Variants in LRP1B observed in about 807,000 individuals in gnomAD.
The protein encoded by LRP1B is low-density lipoprotein receptor-related protein 1B.
LRP1B carries 217 observed loss-of-function variants against 556.6 expected under a neutral mutation model. The observed-to-expected ratio is 0.39, with a 90% confidence interval of 0.35 to 0.44. The LOEUF is 0.44. LRP1B is among the 20% of genes least tolerant of loss of function. The pLI, the probability that LRP1B is intolerant of heterozygous loss-of-function variation, is 1.00. For missense variants in LRP1B, 5,053 were observed against 5,620.8 expected, an observed-to-expected ratio of 0.90 and a Z score of 3.23; for synonymous variants, 2,047 against 1,865.8, an observed-to-expected ratio of 1.10 and a Z score of -2.50.
chr2:141,330,990 C>T (rs1189501457), intron 3 of LRP1B, among the ~76,000 whole-genome samples: 1 of 152,128 alleles, frequency 6.6e-6, no homozygotes, highest in Non-Finnish European at 1.5e-5. Context: ...GATCTCCTGA[C>T]CTCGTGATCC....
intron 2 of LRP1B, among the ~76,000 whole-genome samples, chr2:141,703,041 A>G (rs1477478799): frequency 6.6e-6 from 1 of 151,964 alleles, no homozygotes; most frequent in Non-Finnish European, 1.5e-5. Flanking sequence ...CTGATTATAT[A>G]TAATAGGATA....
chr2:141,580,043 A>C (rs1686908641), intron 2 of LRP1B, among the ~76,000 whole-genome samples: 1 of 152,144 alleles, frequency 6.6e-6, no homozygotes, highest in African/African-American at 2.4e-5. Flanking sequence ...TTCGGGAATA[A>C]GAAACATTTG....
intron 41 of LRP1B, among the ~76,000 whole-genome samples, chr2:140,668,048 C>T (rs1685340580): frequency 6.6e-6 from 1 of 152,094 alleles, no homozygotes; most frequent in South Asian, 2.1e-4. Flanking sequence ...AGCAGTGGCT[C>T]ATGCCTGTAA....
At chr2:141,189,447 T>A (rs1681402974) in intron 6 of LRP1B, among the ~76,000 whole-genome samples, 1 of 152,040 alleles carries the variant, frequency 6.6e-6, no homozygotes, top group South Asian at 2.1e-4. Flanking sequence ...TAACTTATGT[T>A]ACTTTAATGT....
At chr2:141,988,287 G>A (rs755511015) in intron 1 of LRP1B, among the ~76,000 whole-genome samples, 8 of 151,694 alleles carry the variant, frequency 5.3e-5, no homozygotes, top group Non-Finnish European at 5.9e-5. Context: ...TGAATTACTG[G>A]TTTCTTGTGT....
chr2:141,189,953 G>GGAAGAAAGAAAGAAAAA (rs1203036485), intron 6 of LRP1B, among the ~76,000 whole-genome samples: 1 of 151,814 alleles, frequency 6.6e-6, no homozygotes. Flanking sequence ...AGAAAGAAAA[G>GGAAGAAAGAAAGAAAAA]GAAGAAAAGA....
chr2:140,316,159 G>A (rs1205099938), intron 82 of LRP1B, among the ~76,000 whole-genome samples: 1 of 152,116 alleles, frequency 6.6e-6, no homozygotes, highest in African/African-American at 2.4e-5. Context: ...TTTGCTGTGA[G>A]CAACATAGAG....
chr2:141,670,976 A>G (rs1196039431), intron 2 of LRP1B, among the ~76,000 whole-genome samples: 3 of 152,234 alleles, frequency 2.0e-5, no homozygotes, highest in African/African-American at 7.2e-5. Context: ...AAACTAATAT[A>G]TAATGGTATC....
intron 7 of LRP1B, among the ~76,000 whole-genome samples, chr2:141,077,239 C>T (rs948986851): frequency 2.0e-5 from 3 of 150,158 alleles, no homozygotes; most frequent in African/African-American, 7.3e-5. Flanking sequence ...CTGAGTGAGA[C>T]TCCAACTAAA....
intron 31 of LRP1B, among the ~76,000 whole-genome samples, chr2:140,836,260 A>G (rs1691899171): frequency 6.6e-6 from 1 of 152,212 alleles, no homozygotes; most frequent in Non-Finnish European, 1.5e-5. Flanking sequence ...ATATACTATT[A>G]TCTCCATTGT....
intron 2 of LRP1B, among the ~76,000 whole-genome samples, chr2:141,524,442 T>G (rs1684627188): frequency 6.6e-6 from 1 of 152,060 alleles, no homozygotes. Flanking sequence ...AATTGTTGGG[T>G]CTATCTAGGT....
At chr2:140,642,684 T>C (rs1684340046) in intron 41 of LRP1B, among the ~76,000 whole-genome samples, 1 of 151,542 alleles carries the variant, frequency 6.6e-6, no homozygotes, top group South Asian at 2.1e-4. Context: ...TACTAAAAAA[T>C]ACAAAAAAAA....
chr2:141,051,198 C>T (rs773948930), intron 10 of LRP1B, among the ~76,000 whole-genome samples: 11 of 152,012 alleles, frequency 7.2e-5, no homozygotes, highest in Non-Finnish European at 1.5e-4. Flanking sequence ...ATTAGTTCAA[C>T]CATTCTGGAA....
At chr2:140,855,565 G>T (rs1377313831) in intron 27 of LRP1B, among the ~76,000 whole-genome samples, 2 of 147,398 alleles carry the variant, frequency 1.4e-5, no homozygotes, top group African/African-American at 2.5e-5. Flanking sequence ...TACTATTAAT[G>T]TTTCCCCCAA....
At chr2:140,601,031 T>C (rs1175512539) in intron 42 of LRP1B, among the ~76,000 whole-genome samples, 1 of 151,736 alleles carries the variant, frequency 6.6e-6, no homozygotes, top group Non-Finnish European at 1.5e-5. Context: ...GTTTGCTTTC[T>C]TTTGTATTGC....
At chr2:141,260,692 C>G (rs936415804) in intron 3 of LRP1B, among the ~76,000 whole-genome samples, 1 of 152,144 alleles carries the variant, frequency 6.6e-6, no homozygotes, top group Non-Finnish European at 1.5e-5. Flanking sequence ...TCACATTGAT[C>G]ATGTATTGGA....
At chr2:140,551,537 G>T (rs1040332957) in intron 43 of LRP1B, among the ~76,000 whole-genome samples, 8 of 152,270 alleles carry the variant, frequency 5.3e-5, no homozygotes, top group Non-Finnish European at 7.4e-5. Flanking sequence ...CTTTCTACAG[G>T]CTATGGTTTG....
At chr2:141,554,139 G>T (rs1016248605) in intron 2 of LRP1B, among the ~76,000 whole-genome samples, 4 of 141,898 alleles carry the variant, frequency 2.8e-5, no homozygotes, top group East Asian at 2.1e-4. Flanking sequence ...ATATCTATAT[G>T]AATAGACATA....
In LRP1B at chr2:141,416,405, A is replaced by G. The variant is rs116142726; in HGVS notation, c.343+63991T>C. On this transcript the variant is annotated intron_variant, in intron 3 of 90. Transcript: ENST00000389484. ...TTAGGCAAGACATAAGCTGCTTAGCACAACTCCTAGCCCACAGTAAATTCT... is the reference window on the plus strand; with the variant it reads ...TTAGGCAAGACATAAGCTGCTTAGCGCAACTCCTAGCCCACAGTAAATTCT... Among the ~76,000 whole-genome samples, 686 of 151,986 alleles carry G rather than the reference A, an allele frequency of 4.5e-3. 3 individuals carry two copies. Among genetic ancestry groups the G allele is most frequent in the African/African-American group, 0.016 (659 of 41,432 alleles).
Sources: allele counts gnomAD v4.1 joint callset (sites outside exome capture counted in the v4.1 genomes callset), GRCh38; gene constraint gnomAD v4.1.1; transcripts MANE v1.5; gene names NCBI Gene and HGNC (gene_info 2026-07-23, HGNC 2026-07-21).